UNKL: variants seen among roughly 807,000 people sequenced by gnomAD.
UNKL encodes unk like zinc finger.
UNKL carries 60 observed loss-of-function variants against 78.0 expected under a neutral mutation model. The ratio of observed to expected loss-of-function variants is 0.77; its 90% confidence interval spans 0.63 to 0.95. The LOEUF (loss-of-function observed/expected upper bound fraction) is 0.95, where lower values mean the gene tolerates loss of function less well. Among genes scored for constraint, UNKL ranks in the 40% least tolerant of loss-of-function variants. The pLI, the probability that UNKL is intolerant of heterozygous loss-of-function variation, is 0.00. For synonymous variants in UNKL, 608 were observed against 474.8 expected (o/e 1.28, Z -3.65); for missense variants, 1,159 against 1,045.7 (o/e 1.11, Z -1.49).
chr16:1,390,633 T>C lies in UNKL; in HGVS notation c.1085A>G (p.Gln362Arg). Reference protein sequence around the residue: ...GPRGSEQDSKQNHLAVFAAVH... With the variant: ...GPRGSEQDSKRNHLAVFAAVH... ...GTGGGAAACCTTGGGGGCCTGTACC[T>C]GCTTGCTGTCTTGCTCGCTGCCCCT... The change falls in exon 9 of 15, where the codon CAG becomes CGG. Residue 362 changes from glutamine (Q) to arginine (R), a missense_variant and splice_region_variant. Transcript: ENST00000389221. The C allele has an allele frequency of 1.3e-6, 2 of 1,536,040 alleles. No homozygotes were observed. The highest frequency in any genetic ancestry group is 1.7e-6 in the Non-Finnish European group (2 of 1,146,886).
In UNKL at chr16:1,403,115, C is replaced by A; in HGVS notation, c.464+53G>T. On this transcript the variant is annotated intron_variant, in intron 3 of 14. Coordinates refer to ENST00000389221, the MANE Select transcript of UNKL (RefSeq NM_001372107.1). This position sits in a 1 kb window ranked among gnomAD's most constrained non-coding sequence, Gnocchi z 4.8. ...ACTTGCCGAGTTCCTGCTCATCCAG[C>A]AGAGCCCACAGCAGCAGGCAGGCCA... The A allele has an allele frequency of 6.4e-7, 1 of 1,554,320 alleles. No individual in the cohort carries two copies. Among genetic ancestry groups the A allele is most frequent in the Non-Finnish European group, 8.7e-7 (1 of 1,149,320 alleles).
At chr16:1,389,274 G>C (rs1314375598) in intron 9 of UNKL, among the ~76,000 whole-genome samples, 1 of 152,208 alleles carries the variant, frequency 6.6e-6, no homozygotes, top group Non-Finnish European at 1.5e-5. Context: ...TAGGGCCTGT[G>C]AGGAGTAATT....
intron 5 of UNKL, chr16:1,398,737 C>T: frequency 6.6e-7 from 1 of 1,512,768 alleles, no homozygotes. Flanking sequence ...CCAGGCCAGG[C>T]ACAACCAGAA....
At chr16:1,408,397 G>GC (rs770674407) in intron 2 of UNKL, 1 of 153,176 alleles carries the variant, frequency 6.5e-6, no homozygotes, top group Non-Finnish European at 1.5e-5. Context: ...GCGGGGCGGG[G>GC]CCGAGATCAC....
rs2037619034 is a variant in UNKL at position 1,403,416 on chromosome 16, C to T, written c.288-72G>A. On this transcript the variant is annotated intron_variant, in intron 2 of 14. Coordinates refer to ENST00000389221, the MANE Select transcript of UNKL (RefSeq NM_001372107.1). This position sits in a 1 kb window ranked among gnomAD's most constrained non-coding sequence, Gnocchi z 4.8. ...GGCAGCCCTAAGCTCCCTGGGTCCA[C>T]GCCCTGTCAGCACGTGGCAAGCAGT... 2.0e-6 allele frequency: 3 copies of T among 1,518,200 alleles called. No individual in the cohort carries two copies. Among genetic ancestry groups the T allele is most frequent in the South Asian group, 1.3e-5 (1 of 78,498 alleles). The allele number at this position is 1,518,200 out of a possible 1,614,324, so 94.0% of individuals were successfully genotyped here.
Position 1,399,637 on chromosome 16 carries a change from GAC to G in UNKL, c.599-130_599-129del, listed in dbSNP as rs762031790. 1.9e-4 allele frequency: 259 copies of G among 1,382,832 alleles called. No homozygotes were observed. In the Middle Eastern group the frequency reaches 2.8e-3, roughly 15 times the overall value. The allele number at this position is 1,382,832 out of a possible 1,614,324, so 85.7% of individuals were successfully genotyped here. On this transcript the variant is annotated intron_variant, in intron 4 of 14. Coordinates refer to ENST00000389221, the MANE Select transcript of UNKL (RefSeq NM_001372107.1). This position sits in a 1 kb window ranked among gnomAD's most constrained non-coding sequence, Gnocchi z 5.8. ...GCTGCAGGAGGACTTGGGGAGCGCA[GAC>G]ACACGCCACGGCACACGCTGATGTC...
Position 1,384,879 on chromosome 16 carries a change from G to A in UNKL, c.1264+329C>T, listed in dbSNP as rs57071338. ...CTCCCACAGCGCTGGGAGCACAGGC[G>A]GCCAACTCCCACAACTCCCATCATC... On this transcript the variant is annotated intron_variant, in intron 10 of 14. Coordinates refer to ENST00000389221, the MANE Select transcript of UNKL (RefSeq NM_001372107.1). Among the ~76,000 whole-genome samples, 477 of 152,224 alleles carry A rather than the reference G, an allele frequency of 3.1e-3. 8 individuals carry two copies. The highest frequency in any genetic ancestry group is 0.029 in the East Asian group (151 of 5,174).
intron 12 of UNKL, chr16:1,368,070 C>A (rs2035456471): frequency 1.1e-5 from 6 of 525,248 alleles, no homozygotes; most frequent in South Asian, 2.9e-5. Context: ...CCTGCCCCGG[C>A]CGGTCTCCCC....
At position 1,394,070 on chromosome 16, in the gene UNKL, T is replaced by C. The variant is rs911477057; in HGVS notation, c.937+61A>G. On this transcript the variant is annotated intron_variant, in intron 7 of 14. Coordinates refer to ENST00000389221, the MANE Select transcript of UNKL (RefSeq NM_001372107.1). The stretch of plus-strand genomic sequence containing the variant: ...AGCTCCGGGTCATCGGTAACTCCAG[T>C]GAGGGCCTGCAGAGCCGCGGAACCT... The C allele has an allele frequency of 9.9e-6, 15 of 1,507,614 alleles. No individual in the cohort carries two copies. In the Admixed American group the frequency reaches 1.8e-4, roughly 18 times the overall value. The allele number at this position is 1,507,614 out of a possible 1,614,324, so 93.4% of individuals were successfully genotyped here.
At chr16:1,396,098 C>T (rs751344867) in intron 6 of UNKL, among the ~76,000 whole-genome samples, 2 of 151,836 alleles carry the variant, frequency 1.3e-5, no homozygotes, top group Non-Finnish European at 2.9e-5. Context: ...CGCACCACTA[C>T]ACCTGGCTAA....
rs955835798 is a variant in UNKL at position 1,364,244 on chromosome 16, C to G, written c.*1996G>C. 1 of 152,214 alleles carries G rather than the reference C, an allele frequency of 6.6e-6. No homozygotes were observed. The highest frequency in any genetic ancestry group is 2.4e-5 in the African/African-American group (1 of 41,452). 9.4% of individuals were successfully genotyped at this position (152,214 alleles called of 1,614,324 possible). On this transcript the variant is annotated 3_prime_UTR_variant, in exon 15 of 15. Transcript: ENST00000389221. Reference sequence around the variant, plus strand: ...GTAGTGGACTAGCTGCAGAATGTCACGGACCCACTTCCTTTAAAACAACAG... The same window carrying G: ...GTAGTGGACTAGCTGCAGAATGTCAGGGACCCACTTCCTTTAAAACAACAG...
intron 9 of UNKL, among the ~76,000 whole-genome samples, chr16:1,386,398 C>T (rs1182169029): frequency 6.6e-6 from 1 of 151,926 alleles, no homozygotes; most frequent in Admixed American, 6.6e-5. Context: ...ACTAAAAATA[C>T]AAAAAATTAG....
intron 6 of UNKL, among the ~76,000 whole-genome samples, chr16:1,396,041 C>T (rs900945520): frequency 6.6e-6 from 1 of 152,052 alleles, no homozygotes; most frequent in Non-Finnish European, 1.5e-5. Context: ...CTCCCAGGTT[C>T]AAGTGATCCT....
chr16:1,401,522 T>TGGGGGG, intron 4 of UNKL, 46 bp downstream of exon 4: 75 of 1,466,980 alleles, frequency 5.1e-5, no homozygotes, highest in Non-Finnish European at 5.8e-5. Context: ...TCTCGCGCTG[T>TGGGGGG]GCCCGCCCCC....
At position 1,363,294 on chromosome 16, in the gene UNKL, A is replaced by C. The variant is rs2034980449; in HGVS notation, c.*2946T>G. On this transcript the variant is annotated 3_prime_UTR_variant, in exon 15 of 15. Coordinates refer to ENST00000389221, the MANE Select transcript of UNKL (RefSeq NM_001372107.1). ...TTGCATAAATGCTATAGTGTAAAAA[A>C]ATTTAAACAAGTGTTAACTTTAAAC... 8.4e-6 allele frequency: 5 copies of C among 596,220 alleles called. No individual in the cohort carries two copies. The allele number at this position is 596,220 out of a possible 1,614,324, so 36.9% of individuals were successfully genotyped here.
intron 5 of UNKL, among the ~76,000 whole-genome samples, chr16:1,398,035 G>T (rs971493736): frequency 1.3e-5 from 2 of 152,248 alleles, no homozygotes; most frequent in African/African-American, 4.8e-5. Context: ...CTCAGTCAGA[G>T]CCACCCTCAC....
chr16:1,410,335 C>T (rs531573326), intron 2 of UNKL, among the ~76,000 whole-genome samples: 7 of 151,748 alleles, frequency 4.6e-5, no homozygotes, highest in South Asian at 4.2e-4. Flanking sequence ...TGGCCAGGCA[C>T]GGTGGCCCAT....
rs781127422 is a variant in UNKL at position 1,370,134 on chromosome 16, G to A, written c.1581C>T (p.Pro527=). 2 of 1,526,384 alleles carry A rather than the reference G, an allele frequency of 1.3e-6. No individual in the cohort carries two copies. The highest frequency in any genetic ancestry group is 1.4e-5 in the African/African-American group (1 of 72,604). The allele number at this position is 1,526,384 out of a possible 1,614,324, so 94.6% of individuals were successfully genotyped here. A position where few individuals can be genotyped will look rare whatever the true frequency, so the allele number is the denominator to read the frequency against. The change falls in exon 12 of 15, where the codon CCC becomes CCT. Residue 527 remains proline, a synonymous_variant. Transcript: ENST00000389221. ...ATGGAGGGAGCCGGCACTCACCTAG[G>A]GGGCTGTAGGATGAGGCTGCAGAGC... ...TLGSAASSYS[P]LGLNGVPGSI...
chr16:1,392,778 C>T (rs2142138118), intron 8 of UNKL, 113 bp downstream of exon 8: 3 of 1,284,354 alleles, frequency 2.3e-6, no homozygotes, highest in South Asian at 2.6e-5. Context: ...GAGCCACGAA[C>T]TCCACAGACT....
Sources: allele counts gnomAD v4.1 joint callset (sites outside exome capture counted in the v4.1 genomes callset), GRCh38; gene constraint gnomAD v4.1.1; non-coding constraint Gnocchi (gnomAD v3.1); transcripts MANE v1.5; gene names NCBI Gene and HGNC (gene_info 2026-07-23, HGNC 2026-07-21).